Variants in MKLN1 observed in about 807,000 individuals in gnomAD.
MKLN1 encodes muskelin.
A neutral mutation model predicts 99.0 loss-of-function variants in MKLN1; 18 were observed. That is an observed-to-expected ratio of 0.18 (90% CI 0.13 to 0.27). MKLN1 has a LOEUF of 0.27. Among genes scored for constraint, MKLN1 ranks in the 10% least tolerant of loss-of-function variants. The pLI is 1.00. For synonymous variants in MKLN1, 288 were observed against 293.2 expected (o/e 0.98, Z 0.18); for missense variants, 621 against 875.9 (o/e 0.71, Z 3.67).
At chr7:131,125,732 C>T (rs576681388) in intron 1 of MKLN1, among the ~76,000 whole-genome samples, 4 of 152,090 alleles carry the variant, frequency 2.6e-5, no homozygotes, top group South Asian at 4.2e-4. Flanking sequence ...CAGCCTGGCA[C>T]GGTGGCTCAC....
At chr7:131,475,640 T>C (rs1485599784) in intron 16 of MKLN1, among the ~76,000 whole-genome samples, 1 of 152,154 alleles carries the variant, frequency 6.6e-6, no homozygotes, top group African/African-American at 2.4e-5. Flanking sequence ...AGCAAAAACC[T>C]GTCTCTACAA....
At position 131,354,115 on chromosome 7, in the gene MKLN1, T is replaced by C. The variant is rs553431658; in HGVS notation, c.99-21309T>C. Among the ~76,000 whole-genome samples the C allele has an allele frequency of 2.0e-5, 3 of 152,258 alleles. No homozygotes were observed. In the East Asian group the frequency reaches 5.8e-4, roughly 29 times the overall value. ...TAATTATTTTGGCTATTCTAGGTCTTGTGTTTTATGTGTAAATTTCAGAGT... is the reference window on the plus strand; with the variant it reads ...TAATTATTTTGGCTATTCTAGGTCTCGTGTTTTATGTGTAAATTTCAGAGT... On this transcript the variant is annotated intron_variant, in intron 1 of 17. Transcript: ENST00000352689.
intron 2 of MKLN1, among the ~76,000 whole-genome samples, chr7:131,163,797 T>C (rs1375108864): frequency 6.6e-6 from 1 of 152,266 alleles, no homozygotes; most frequent in Non-Finnish European, 1.5e-5. Flanking sequence ...ATATCATTAA[T>C]GCTAACGATT....
At chr7:131,246,815 T>C (rs1389550459) in intron 3 of MKLN1, among the ~76,000 whole-genome samples, 1 of 152,122 alleles carries the variant, frequency 6.6e-6, no homozygotes, top group Non-Finnish European at 1.5e-5. Flanking sequence ...TATTAAATTC[T>C]GAGTTTGGAA....
At chr7:131,391,040 C>T (rs915865226) in intron 4 of MKLN1, among the ~76,000 whole-genome samples, 2 of 151,868 alleles carry the variant, frequency 1.3e-5, no homozygotes, top group African/African-American at 4.8e-5. Context: ...ATTTGCTTCC[C>T]AACCCTTTCC....
intron 3 of MKLN1, among the ~76,000 whole-genome samples, chr7:131,295,227 A>G: frequency 6.6e-6 from 1 of 152,184 alleles, no homozygotes; most frequent in East Asian, 1.9e-4. Context: ...GGCTGGTCTC[A>G]AACTCCTGGG....
rs550294985 is a variant in MKLN1, at chr7:131,154,463, T to G, written c.-297+11522T>G. Among the ~76,000 whole-genome samples the G allele has an allele frequency of 3.9e-4, 60 of 152,278 alleles. 1 individual carries two copies. Among genetic ancestry groups the G allele is most frequent in the African/African-American group, 1.3e-3 (52 of 41,548 alleles). Reference sequence around the variant, plus strand: ...GCATGAGAGGAAGGGAATATAGATGTAACATGGAGGAGGTTAGGCAGAAAT... The same window carrying G: ...GCATGAGAGGAAGGGAATATAGATGGAACATGGAGGAGGTTAGGCAGAAAT... On this transcript the variant is annotated intron_variant, in intron 2 of 7. Coordinates refer to the MKLN1 transcript ENST00000416992.
chr7:131,299,706 C>A (rs1194853565), intron 3 of MKLN1, among the ~76,000 whole-genome samples: 1 of 152,180 alleles, frequency 6.6e-6, no homozygotes, highest in Non-Finnish European at 1.5e-5. Context: ...TCATCTGAAT[C>A]ATCAGAATTG....
rs181302335 is a variant in MKLN1, at chr7:131,387,071, C to T, written c.169-49C>T. ...TGGCAATAGTTTTAAAGTTGTCTAA[C>T]ATTTGTTTTAAACAGAAGAGGATAT... On this transcript the variant is annotated intron_variant, in intron 2 of 17. Transcript: ENST00000352689. 665 of 1,504,552 alleles carry T rather than the reference C, an allele frequency of 4.4e-4. 2 individuals carry two copies. The African/African-American group carries it at 8.3e-3, about 19-fold the overall frequency. 93.2% of individuals were successfully genotyped at this position (1,504,552 alleles called of 1,614,324 possible).
chr7:131,137,846 A>G (rs1795672361), intron 1 of MKLN1, among the ~76,000 whole-genome samples: 1 of 151,492 alleles, frequency 6.6e-6, no homozygotes, highest in South Asian at 2.1e-4. Flanking sequence ...AAGTGCTGGG[A>G]TTACAAGTGT....
chr7:131,431,448 G>C lies in MKLN1; in HGVS notation c.960+2303G>C, dbSNP rs189643151. ...CTCGGTCATTCTTTTGGTTTGGCCG[G>C]GCTCATTCATTTGTCTAGGAGTCAG... On this transcript the variant is annotated intron_variant, in intron 9 of 17. Coordinates refer to ENST00000352689, the MANE Select transcript of MKLN1 (RefSeq NM_013255.5). Among the ~76,000 whole-genome samples the C allele has an allele frequency of 7.2e-5, 11 of 152,184 alleles. 1 individual carries two copies. In the East Asian group the frequency reaches 2.1e-3, roughly 29 times the overall value.
intron 1 of MKLN1, among the ~76,000 whole-genome samples, chr7:131,344,791 T>C (rs888976662): frequency 1.3e-5 from 2 of 152,158 alleles, no homozygotes; most frequent in African/African-American, 4.8e-5. Context: ...AATTTGTCAG[T>C]TGATGGATCA....
chr7:131,450,654 C>T (rs536438617), intron 12 of MKLN1, among the ~76,000 whole-genome samples: 16 of 152,292 alleles, frequency 1.1e-4, no homozygotes, highest in Admixed American at 2.6e-4. Flanking sequence ...TTTAACTTGC[C>T]TTTGAGAGTT....
In MKLN1 at chr7:131,487,964, AATATAT is replaced by A. The variant is rs150780881; in HGVS notation, c.*249_*254del. 1.1e-5 allele frequency: 2 copies of A among 179,768 alleles called. No homozygotes were observed. The highest frequency in any genetic ancestry group is 2.3e-5 in the Non-Finnish European group (2 of 88,756). 11.1% of individuals were successfully genotyped at this position (179,768 alleles called of 1,614,324 possible). A position where few individuals can be genotyped will look rare whatever the true frequency, so the allele number is the denominator to read the frequency against. ...GTGAAATTGGTATACTTTCCAGTTA[AATATAT>A]ATATATATATATTTTTTCTTACTTT... On this transcript the variant is annotated 3_prime_UTR_variant, in exon 18 of 18. Coordinates refer to ENST00000352689, the MANE Select transcript of MKLN1 (RefSeq NM_013255.5). This position sits in a 1 kb window ranked among gnomAD's most constrained non-coding sequence, Gnocchi z 4.7.
intron 3 of MKLN1, among the ~76,000 whole-genome samples, chr7:131,211,005 G>T (rs1176775269): frequency 6.6e-6 from 1 of 151,646 alleles, no homozygotes; most frequent in Non-Finnish European, 1.5e-5. Context: ...ACACTGTCCT[G>T]GACTAGAGTA....
chr7:131,213,337 T>C (rs1241673912), intron 3 of MKLN1, among the ~76,000 whole-genome samples: 3 of 152,214 alleles, frequency 2.0e-5, no homozygotes, highest in Admixed American at 2.0e-4. Context: ...CTTGAATATA[T>C]ACAGGTTACT....
intron 1 of MKLN1, among the ~76,000 whole-genome samples, chr7:131,111,681 C>A (rs1028704752): frequency 1.3e-5 from 2 of 152,070 alleles, no homozygotes; most frequent in Non-Finnish European, 2.9e-5. Context: ...ATCTTGATTT[C>A]TTTTACCCAG....
intron 1 of MKLN1, among the ~76,000 whole-genome samples, chr7:131,364,940 A>T (rs1279366763): frequency 1.3e-5 from 2 of 152,134 alleles, no homozygotes; most frequent in African/African-American, 4.8e-5. Flanking sequence ...TCTTTACGGT[A>T]CTTTACGGTA....
At chr7:131,420,619 C>G (rs1244743544) in intron 8 of MKLN1, among the ~76,000 whole-genome samples, 4 of 152,142 alleles carry the variant, frequency 2.6e-5, no homozygotes, top group Non-Finnish European at 5.9e-5. Context: ...TAGATCTAAC[C>G]AAAGTAATAA....
Sources: gnomAD v4.1 joint callset for allele counts (sites outside exome capture counted in the v4.1 genomes callset) on GRCh38, gnomAD v4.1.1 for gene constraint, Gnocchi (gnomAD v3.1) non-coding constraint, MANE v1.5 for transcripts, NCBI Gene and HGNC (gene_info 2026-07-23, HGNC 2026-07-21) for gene names.